Variants in SAMD3 observed in about 807,000 individuals in gnomAD.
The protein encoded by SAMD3 is sterile alpha motif domain-containing protein 3.
In SAMD3, 63 loss-of-function variants were observed where a neutral mutation model predicts 58.5. The observed-to-expected ratio is 1.08, with a 90% CI of 0.88 to 1.33. The LOEUF (loss-of-function observed/expected upper bound fraction) is 1.33. Among genes scored for constraint, SAMD3 ranks in the 40% most tolerant of loss-of-function variants. The pLI is 0.00. For missense variants in SAMD3, 604 were observed against 608.4 expected (o/e 0.99, Z 0.08); for synonymous variants, 220 against 210.3 (o/e 1.05, Z -0.40).
At chr6:130,309,397 C>A (rs60361106) in intron 2 of SAMD3, among the ~76,000 whole-genome samples, 17,699 of 152,116 alleles carry the variant, frequency 0.12, 2,795 homozygotes, top group African/African-American at 0.36. Context: ...GGAAGCAGAT[C>A]AGATGGTATT....
At chr6:130,169,354 G>A (rs1791024066) in intron 8 of SAMD3, among the ~76,000 whole-genome samples, 2 of 151,948 alleles carry the variant, frequency 1.3e-5, no homozygotes, top group Non-Finnish European at 2.9e-5. Flanking sequence ...ATCCTTTAAA[G>A]CTTTTTGCTT....
chr6:130,163,884 C>A (rs992204036), intron 8 of SAMD3, among the ~76,000 whole-genome samples: 3 of 151,894 alleles, frequency 2.0e-5, no homozygotes, highest in Non-Finnish European at 4.4e-5. Context: ...ACACACAAAG[C>A]TATTTCATAG....
chr6:130,363,724 G>A (rs1231943543), intron 1 of SAMD3, among the ~76,000 whole-genome samples: 2 of 152,104 alleles, frequency 1.3e-5, no homozygotes, highest in Non-Finnish European at 2.9e-5. Context: ...AGGACACTTG[G>A]ATTACTCTCT....
chr6:130,293,541 G>A (rs1194389558), intron 2 of SAMD3, among the ~76,000 whole-genome samples: 3 of 151,378 alleles, frequency 2.0e-5, no homozygotes, highest in Middle Eastern at 3.2e-3. Context: ...TTTTGTGATA[G>A]GTGACAATAT....
intron 1 of SAMD3, among the ~76,000 whole-genome samples, chr6:130,341,721 T>C (rs566091927): frequency 2.0e-5 from 3 of 152,266 alleles, no homozygotes; most frequent in Non-Finnish European, 4.4e-5. Flanking sequence ...AGTGGGAGGC[T>C]TGTTGTTATT....
intron 1 of SAMD3, among the ~76,000 whole-genome samples, chr6:130,340,567 G>A (rs117090590): frequency 0.011 from 1,717 of 152,314 alleles, 8 homozygotes; most frequent in Non-Finnish European, 0.017. Context: ...GGGGATTGGG[G>A]TATGGACATC....
intron 7 of SAMD3, among the ~76,000 whole-genome samples, chr6:130,180,953 C>CTTTTT (rs370213784): frequency 1.0e-4 from 12 of 117,370 alleles, no homozygotes; most frequent in African/African-American, 2.2e-4. Context: ...TTCTTTCTTT[C>CTTTTT]TTTTTTCTTT....
chr6:130,220,289 T>C (rs867546103), intron 1 of SAMD3, among the ~76,000 whole-genome samples: 1 of 152,154 alleles, frequency 6.6e-6, no homozygotes, highest in Non-Finnish European at 1.5e-5. Context: ...TGTGAGCCAC[T>C]AGCCTGGCCA....
Position 130,308,368 on chromosome 6 carries a change from C to CTATTCTATTCTATTCTATTCTATTCTATT in SAMD3, c.-188+4581_-188+4609dup, listed in dbSNP as rs1562512811. Among the ~76,000 whole-genome samples the CTATTCTATTCTATTCTATTCTATTCTATT allele has an allele frequency of 2.3e-4, 20 of 88,750 alleles. 1 individual carries two copies. The highest frequency in any genetic ancestry group is 8.0e-4 in the African/African-American group (18 of 22,600). The allele number at this position is 88,750 out of a possible 152,430, so 58.2% of individuals were successfully genotyped here. A position where few individuals can be genotyped will look rare whatever the true frequency, so the allele number is the denominator to read the frequency against. ...TCATAGAATTCTATTCTATTCTATT[C>CTATTCTATTCTATTCTATTCTATTCTATT]TATTCTATTCTATTCTATTCTATTC... On this transcript the variant is annotated intron_variant, in intron 2 of 13. Transcript: ENST00000368134.
chr6:130,184,318 A>G (rs889287355), intron 6 of SAMD3, 120 bp downstream of exon 6: 40 of 1,148,202 alleles, frequency 3.5e-5, no homozygotes, highest in African/African-American at 6.2e-5. Flanking sequence ...ATATTGGGCA[A>G]TTGGGACCTA....
intron 2 of SAMD3, among the ~76,000 whole-genome samples, chr6:130,311,204 T>C (rs1776146122): frequency 6.6e-6 from 1 of 152,254 alleles, no homozygotes; most frequent in Admixed American, 6.5e-5. Flanking sequence ...CTATTGTGAA[T>C]ATAGATTTTA....
chr6:130,277,054 G>A (rs112205758), intron 2 of SAMD3, among the ~76,000 whole-genome samples: 23 of 152,254 alleles, frequency 1.5e-4, no homozygotes, highest in African/African-American at 5.3e-4. Context: ...ATCTATAAAA[G>A]CAATTGAGAA....
chr6:130,186,916 G>A (rs888493933), intron 5 of SAMD3, among the ~76,000 whole-genome samples: 3 of 151,902 alleles, frequency 2.0e-5, no homozygotes, highest in African/African-American at 7.2e-5. Context: ...GACTACAGGC[G>A]CATGCCACCG....
At chr6:130,157,619 G>C (rs901956134) in intron 8 of SAMD3, among the ~76,000 whole-genome samples, 2 of 152,076 alleles carry the variant, frequency 1.3e-5, no homozygotes, top group African/African-American at 2.4e-5. Context: ...GAGCCACCAC[G>C]CCTGACAGAT....
intron 1 of SAMD3, among the ~76,000 whole-genome samples, chr6:130,334,619 CG>C (rs1330351897): frequency 3.2e-4 from 48 of 152,258 alleles, no homozygotes; most frequent in African/African-American, 1.1e-3. Context: ...ATATATAAAA[CG>C]GGGATCATTA....
At chr6:130,167,017 A>G in intron 8 of SAMD3, among the ~76,000 whole-genome samples, 1 of 152,136 alleles carries the variant, frequency 6.6e-6, no homozygotes, top group Non-Finnish European at 1.5e-5. Context: ...ACCCAAAGAA[A>G]GGACACATAG....
At chr6:130,184,235 T>C in intron 6 of SAMD3, 48 bp from the exon 7 acceptor site, 1 of 1,434,736 alleles carries the variant, frequency 7.0e-7, no homozygotes. Context: ...GCAAACCACA[T>C]TCCTTCCTTT....
intron 2 of SAMD3, among the ~76,000 whole-genome samples, chr6:130,304,959 G>T (rs439166): frequency 1.9e-5 from 2 of 106,502 alleles, no homozygotes; most frequent in Admixed American, 1.4e-4. Flanking sequence ...TTTTGAGACA[G>T]AGTCTCACTC....
At chr6:130,199,063 T>C (rs1794406631) in intron 5 of SAMD3, among the ~76,000 whole-genome samples, 1 of 152,242 alleles carries the variant, frequency 6.6e-6, no homozygotes. Context: ...TATTACTTTC[T>C]GGTCCTCCAG....
Sources: allele counts gnomAD v4.1 joint callset (sites outside exome capture counted in the v4.1 genomes callset), GRCh38; gene constraint gnomAD v4.1.1; transcripts MANE v1.5; gene names NCBI Gene and HGNC (gene_info 2026-07-23, HGNC 2026-07-21).